The following DIS3L2 variants were observed in gnomAD, a reference collection of about 807,000 sequenced individuals.
DIS3L2 encodes the protein DIS3-like exonuclease 2.
DIS3L2 carries 34 observed loss-of-function variants against 97.5 expected under a neutral mutation model. That is an observed-to-expected ratio of 0.35 (90% CI 0.27 to 0.46). The LOEUF (loss-of-function observed/expected upper bound fraction) is 0.46, where lower values mean the gene tolerates loss of function less well. Among genes scored for constraint, DIS3L2 ranks in the 20% least tolerant of loss-of-function variants. DIS3L2 has a pLI of 1.00. For synonymous variants in DIS3L2, 435 were observed against 445.2 expected (o/e 0.98, Z 0.29); for missense variants, 1,038 against 1,146.0 (o/e 0.91, Z 1.36).
chr2:232,295,736 T>C (rs1301761297), intron 13 of DIS3L2, among the ~76,000 whole-genome samples: 1 of 152,168 alleles, frequency 6.6e-6, no homozygotes, highest in African/African-American at 2.4e-5. Flanking sequence ...TTCTATTCGT[T>C]TTTCAACCTG....
chr2:232,104,661 C>A (rs1353186161), intron 6 of DIS3L2, among the ~76,000 whole-genome samples: 1 of 152,166 alleles, frequency 6.6e-6, no homozygotes, highest in Non-Finnish European at 1.5e-5. Flanking sequence ...TAAGTGGAAT[C>A]ATACAATATT....
At chr2:232,319,242 CTG>C (rs757732529) in intron 14 of DIS3L2, among the ~76,000 whole-genome samples, 1 of 152,202 alleles carries the variant, frequency 6.6e-6, no homozygotes, top group African/African-American at 2.4e-5. Flanking sequence ...GCACACGACA[CTG>C]TGTGGTTGGC....
chr2:232,310,642 TAGAG>T (rs977104616), intron 14 of DIS3L2, among the ~76,000 whole-genome samples: 3 of 152,218 alleles, frequency 2.0e-5, no homozygotes, highest in South Asian at 2.1e-4. Context: ...ACTCCCATTT[TAGAG>T]AGAGAGAAAC....
chr2:232,205,423 CT>C (rs1318091980), intron 9 of DIS3L2, among the ~76,000 whole-genome samples: 1 of 151,824 alleles, frequency 6.6e-6, no homozygotes, highest in Non-Finnish European at 1.5e-5. Context: ...CAGGAGTAGT[CT>C]CCTGAGTAGC....
intron 12 of DIS3L2, among the ~76,000 whole-genome samples, chr2:232,261,551 G>A (rs1303801458): frequency 6.6e-6 from 1 of 152,174 alleles, no homozygotes; most frequent in African/African-American, 2.4e-5. Context: ...TGAGGCTGAT[G>A]GGAGGCCGAA....
At position 232,336,601 on chromosome 2, in the gene DIS3L2, G is replaced by A. The variant is rs765768186; in HGVS notation, c.2629G>A (p.Gly877Ser). 26 of 1,607,534 alleles carry A rather than the reference G, an allele frequency of 1.6e-5. 1 individual carries two copies. The highest frequency in any genetic ancestry group is 1.7e-4 in the Middle Eastern group (1 of 6,034). ...GPEKEEEESD[G>S]EPEDSSTS Reference sequence around the variant, plus strand: ...TGAGAAGGAGGAGGAGGAGTCTGACGGTGAGCCCGAGGACTCAAGCACCAG... The same window carrying A: ...TGAGAAGGAGGAGGAGGAGTCTGACAGTGAGCCCGAGGACTCAAGCACCAG... The change falls in exon 21 of 21, where the codon GGT becomes AGT. Residue 877 changes from glycine to serine, a missense_variant. By Grantham distance (56) the Gly-to-Ser change is moderately conservative. Around this residue, in one of 3 missense-constraint regions of DIS3L2, gnomAD observed 221 missense variants for 246.9 expected, o/e 0.90. Transcript: ENST00000325385.
In DIS3L2 at chr2:232,276,836, G is replaced by A. The variant is rs1263350027; in HGVS notation, c.1659+13396G>A. Among the ~76,000 whole-genome samples, 1 of 152,210 alleles carries A rather than the reference G, an allele frequency of 6.6e-6. No homozygotes were observed. Among genetic ancestry groups the A allele is most frequent in the African/African-American group, 2.4e-5 (1 of 41,460 alleles). On this transcript the variant is annotated intron_variant, in intron 13 of 20. Transcript: ENST00000325385. The surrounding 1 kb of genome is among the most constrained non-coding windows in gnomAD (Gnocchi z 4.4). ...CCTACGTTATAGGAATATTAGGTTA[G>A]ATGAGATGTACCCGTAAAACACTTG...
chr2:232,273,300 A>G lies in DIS3L2; in HGVS notation c.1659+9860A>G, dbSNP rs183228825. Among the ~76,000 whole-genome samples the G allele has an allele frequency of 2.9e-4, 44 of 152,192 alleles. No homozygotes were observed. In the East Asian group the frequency reaches 8.2e-3, roughly 28 times the overall value. On this transcript the variant is annotated intron_variant, in intron 13 of 20. Transcript: ENST00000325385. ...TAAGATTGTGAGTTTCTTAAGGGTA[A>G]AGACAACATCTTGTCCACCTTTGTA...
Position 232,136,639 on chromosome 2 carries a change from G to A in DIS3L2, c.870G>A (p.Val290=). The change falls in exon 8 of 21, where the codon GTG becomes GTA. Residue 290 remains valine (V), a synonymous_variant. Coordinates refer to ENST00000325385, the MANE Select transcript of DIS3L2 (RefSeq NM_152383.5). ...VPLKDCPQDF[V]ARPKDYANTL... ...TCAAGGACTGTCCCCAGGACTTTGTGGCACGGCCTAAAGATTATGCCAACA... is the reference window on the plus strand; with the variant it reads ...TCAAGGACTGTCCCCAGGACTTTGTAGCACGGCCTAAAGATTATGCCAACA... 6.2e-7 allele frequency: 1 copy of A among 1,613,846 alleles called. No individual in the cohort carries two copies. Among genetic ancestry groups the A allele is most frequent in the Non-Finnish European group, 8.5e-7 (1 of 1,179,934 alleles).
intron 9 of DIS3L2, among the ~76,000 whole-genome samples, chr2:232,166,349 C>T (rs1006018504): frequency 4.6e-5 from 7 of 152,186 alleles, no homozygotes; most frequent in Admixed American, 6.5e-5. Context: ...CGCGTGCGCG[C>T]GCGCCCTGTG....
chr2:232,134,869 G>GTGCA (rs1491238053), intron 7 of DIS3L2, among the ~76,000 whole-genome samples: 14 of 145,224 alleles, frequency 9.6e-5, no homozygotes, highest in South Asian at 2.1e-4. Context: ...TATTGTGTGT[G>GTGCA]CGCACACACA....
intron 14 of DIS3L2, among the ~76,000 whole-genome samples, chr2:232,309,228 G>T (rs1476539271): frequency 6.6e-6 from 1 of 152,166 alleles, no homozygotes; most frequent in African/African-American, 2.4e-5. Flanking sequence ...TGCCCACTAG[G>T]TAGTGAGTGA....
chr2:232,339,202 A>C (rs543937167), downstream of DIS3L2, among the ~76,000 whole-genome samples: 19 of 152,336 alleles, frequency 1.2e-4, no homozygotes, highest in East Asian at 3.7e-3. Context: ...AAGAACTGGA[A>C]TTACACAGCC....
At chr2:232,215,933 T>C (rs1354807713) in intron 10 of DIS3L2, among the ~76,000 whole-genome samples, 1 of 152,172 alleles carries the variant, frequency 6.6e-6, no homozygotes, top group Non-Finnish European at 1.5e-5. Flanking sequence ...CTTCCTGGGC[T>C]CTTTTCTCAC....
At chr2:232,112,221 A>G (rs1307241888) in intron 6 of DIS3L2, among the ~76,000 whole-genome samples, 1 of 152,224 alleles carries the variant, frequency 6.6e-6, no homozygotes, top group Non-Finnish European at 1.5e-5. Context: ...CTTGCTTGCC[A>G]GGTAACTTGG....
intron 6 of DIS3L2, among the ~76,000 whole-genome samples, chr2:232,105,025 C>T (rs1347067604): frequency 2.0e-5 from 3 of 152,084 alleles, no homozygotes; most frequent in South Asian, 2.1e-4. Flanking sequence ...ACTATGTTGC[C>T]CAGGTTGGTC....
chr2:232,017,364 G>A (rs1694385763), intron 3 of DIS3L2, among the ~76,000 whole-genome samples: 2 of 152,166 alleles, frequency 1.3e-5, no homozygotes, highest in South Asian at 4.1e-4. Flanking sequence ...CTCCCAAAGT[G>A]CTGGGATTAC....
chr2:232,086,977 G>A (rs1008399812), intron 5 of DIS3L2, among the ~76,000 whole-genome samples: 1 of 151,836 alleles, frequency 6.6e-6, no homozygotes, highest in African/African-American at 2.4e-5. Flanking sequence ...CACCGCGCCT[G>A]GCCAATAAAG....
intron 1 of DIS3L2, among the ~76,000 whole-genome samples, chr2:231,964,846 G>A (rs1692668083): frequency 6.6e-6 from 1 of 152,198 alleles, no homozygotes; most frequent in Non-Finnish European, 1.5e-5. Context: ...AAGTGCTGTA[G>A]TAGGTCAGAG....
Sources: gnomAD v4.1 joint callset for allele counts (sites outside exome capture counted in the v4.1 genomes callset) on GRCh38, gnomAD v4.1.1 for gene constraint, gnomAD v4.1.1 regional missense constraint, Gnocchi (gnomAD v3.1) non-coding constraint, MANE v1.5 for transcripts, NCBI Gene and HGNC (gene_info 2026-07-23, HGNC 2026-07-21) for gene names.